The following BIRC6 variants were observed in gnomAD, a reference collection of about 807,000 sequenced individuals.
BIRC6 encodes baculoviral IAP repeat containing 6, also known as dual E2 ubiquitin-conjugating enzyme/E3 ubiquitin-protein ligase BIRC6.
A neutral mutation model predicts 503.3 loss-of-function variants in BIRC6; 98 were observed. That is an observed-to-expected ratio of 0.19 (90% CI 0.17 to 0.23). The LOEUF (loss-of-function observed/expected upper bound fraction) is 0.23. Among genes scored for constraint, BIRC6 ranks in the 10% least tolerant of loss-of-function variants. The pLI, the probability that BIRC6 is intolerant of heterozygous loss-of-function variation, is 1.00. For synonymous variants in BIRC6, 2,240 were observed against 2,078.7 expected (o/e 1.08, Z -2.11); for missense variants, 5,360 against 5,806.0 (o/e 0.92, Z 2.50).
intron 8 of BIRC6, among the ~76,000 whole-genome samples, chr2:32,406,177 A>G (rs2041188663): frequency 6.6e-6 from 1 of 152,148 alleles, no homozygotes; most frequent in South Asian, 2.1e-4. Flanking sequence ...AGATTGCTTA[A>G]GCCCAAGGGT....
chr2:32,376,864 T>C (rs966101796), intron 1 of BIRC6, among the ~76,000 whole-genome samples: 3 of 152,230 alleles, frequency 2.0e-5, no homozygotes, highest in African/African-American at 4.8e-5. Flanking sequence ...GAATATCTTA[T>C]GTACTGTACT....
chr2:32,465,457 A>G (rs2048446522), intron 26 of BIRC6, among the ~76,000 whole-genome samples: 1 of 152,082 alleles, frequency 6.6e-6, no homozygotes, highest in Non-Finnish European at 1.5e-5. Context: ...TCACCATTAT[A>G]CTAGAAATTA....
At chr2:32,596,468 CAAAA>C (rs11345309) in intron 68 of BIRC6, among the ~76,000 whole-genome samples, 9 of 86,550 alleles carry the variant, frequency 1.0e-4, no homozygotes, top group Admixed American at 1.2e-4. Context: ...GTCTCCATCT[CAAAA>C]AAAAAAAAAA....
chr2:32,452,480 T>C (rs973917770), intron 22 of BIRC6, among the ~76,000 whole-genome samples: 1 of 152,114 alleles, frequency 6.6e-6, no homozygotes, highest in African/African-American at 2.4e-5. Context: ...TTTAAAGATA[T>C]GTAGAGGGAT....
chr2:32,584,233 T>A (rs751447177), intron 66 of BIRC6, among the ~76,000 whole-genome samples: 45 of 152,064 alleles, frequency 3.0e-4, no homozygotes, highest in Non-Finnish European at 5.3e-4. Context: ...TATTTAAATT[T>A]AAAAAAATTT....
At chr2:32,512,751 A>T (rs780156126) in intron 53 of BIRC6, among the ~76,000 whole-genome samples, 182 bp from the exon 54 acceptor site, 6 of 152,172 alleles carry the variant, frequency 3.9e-5, no homozygotes, top group Non-Finnish European at 8.8e-5. Context: ...TGGAACTGGA[A>T]CTAGTATGTC....
chr2:32,473,705 T>TTG (rs2049354115), intron 33 of BIRC6, among the ~76,000 whole-genome samples: 1 of 111,398 alleles, frequency 9.0e-6, no homozygotes, highest in Non-Finnish European at 1.9e-5. Flanking sequence ...TTCTCCTTTT[T>TTG]CGTGTGTGTG....
intron 24 of BIRC6, among the ~76,000 whole-genome samples, chr2:32,463,807 G>C (rs1450712320): frequency 6.6e-6 from 1 of 152,130 alleles, no homozygotes; most frequent in African/African-American, 2.4e-5. Flanking sequence ...CCAGTCCCTG[G>C]GCCATGGACC....
intron 1 of BIRC6, among the ~76,000 whole-genome samples, chr2:32,367,432 C>T (rs530777307): frequency 4.7e-5 from 7 of 150,010 alleles, no homozygotes; most frequent in South Asian, 4.2e-4. Flanking sequence ...CATTGCAATC[C>T]GGCCAGGGCA....
At chr2:32,476,072 TATC>T (rs961539130) in intron 33 of BIRC6, 138 bp from the exon 34 acceptor site, 16 of 604,882 alleles carry the variant, frequency 2.6e-5, no homozygotes, top group Non-Finnish European at 3.9e-5. Flanking sequence ...TTTAAAAAAT[TATC>T]ATCACAGTTA....
chr2:32,575,608 C>T (rs1204997775), intron 66 of BIRC6, among the ~76,000 whole-genome samples: 1 of 151,694 alleles, frequency 6.6e-6, no homozygotes. Context: ...ACTAAAAATA[C>T]CAAAAAATTA....
chr2:32,373,806 C>T (rs956129941), intron 1 of BIRC6, among the ~76,000 whole-genome samples: 1 of 152,228 alleles, frequency 6.6e-6, no homozygotes, highest in East Asian at 1.9e-4. Context: ...CATAGCAGCA[C>T]TCTTCGAAAT....
intron 72 of BIRC6, among the ~76,000 whole-genome samples, chr2:32,610,996 A>T (rs1388365853): frequency 6.6e-6 from 1 of 152,132 alleles, no homozygotes; most frequent in Non-Finnish European, 1.5e-5. Flanking sequence ...GAATGCTGGG[A>T]TTACAGGCGT....
At chr2:32,466,848 G>A (rs2048595014) in intron 26 of BIRC6, among the ~76,000 whole-genome samples, 1 of 151,964 alleles carries the variant, frequency 6.6e-6, no homozygotes. Flanking sequence ...GGCTAGGTGC[G>A]GTGGCTCATG....
At chr2:32,445,931 C>T (rs896954292) in intron 21 of BIRC6, among the ~76,000 whole-genome samples, 15 of 151,708 alleles carry the variant, frequency 9.9e-5, no homozygotes, top group African/African-American at 3.1e-4. Context: ...GATCTCAGCT[C>T]ACCACAACCT....
intron 69 of BIRC6, among the ~76,000 whole-genome samples, chr2:32,598,501 A>T (rs1267730666): frequency 6.6e-6 from 1 of 152,132 alleles, no homozygotes; most frequent in East Asian, 1.9e-4. Flanking sequence ...ACATCTGTGA[A>T]TTATAGGTAA....
chr2:32,477,335 ATT>A, intron 34 of BIRC6, 31 bp from the exon 35 acceptor site: 3 of 1,592,776 alleles, frequency 1.9e-6, no homozygotes, highest in Non-Finnish European at 1.7e-6. Flanking sequence ...TTAAGTAAAC[ATT>A]GATTTAAACA....
intron 57 of BIRC6, among the ~76,000 whole-genome samples, chr2:32,520,155 T>A (rs1345537621): frequency 1.3e-5 from 2 of 152,142 alleles, no homozygotes; most frequent in Non-Finnish European, 2.9e-5. Flanking sequence ...GTCTATCAGT[T>A]AAAAATACAA....
At chr2:32,583,699 C>T (rs79716369) in intron 66 of BIRC6, among the ~76,000 whole-genome samples, 3 of 152,134 alleles carry the variant, frequency 2.0e-5, no homozygotes, top group Admixed American at 2.0e-4. Flanking sequence ...TGAATGTGTA[C>T]TTTACCTATA....
Sources: allele counts gnomAD v4.1 joint callset (sites outside exome capture counted in the v4.1 genomes callset), GRCh38; gene constraint gnomAD v4.1.1; transcripts MANE v1.5; gene names NCBI Gene and HGNC (gene_info 2026-07-23, HGNC 2026-07-21).